HSDL2: variants seen among roughly 807,000 people sequenced by gnomAD.
HSDL2 encodes hydroxysteroid dehydrogenase-like protein 2.
HSDL2 carries 27 observed loss-of-function variants against 46.3 expected under a neutral mutation model. The observed-to-expected ratio is 0.58, with a 90% confidence interval of 0.43 to 0.80. The LOEUF (loss-of-function observed/expected upper bound fraction) is 0.80, where lower values mean the gene tolerates loss of function less well. Ranked by LOEUF, HSDL2 falls within the 30% of genes least tolerant of loss-of-function variation. The probability of loss-of-function intolerance (pLI) is 0.00; values close to 1 mark genes in which losing one functional copy is unlikely to be tolerated. For missense variants in HSDL2, 451 were observed against 502.7 expected (o/e 0.90, Z 0.98); for synonymous variants, 153 against 163.6 (o/e 0.94, Z 0.50).
intron 9 of HSDL2, among the ~76,000 whole-genome samples, chr9:112,454,747 C>G (rs186942566): frequency 3.6e-4 from 55 of 151,918 alleles, no homozygotes; most frequent in African/African-American, 1.3e-3. Context: ...GCTTTGTTGC[C>G]CAGGCTGGAG....
rs533027495 is a variant in HSDL2, at chr9:112,398,709, A to G, written c.18-5286A>G. Among the ~76,000 whole-genome samples the G allele has an allele frequency of 3.9e-5, 6 of 152,208 alleles. No homozygotes were observed. The South Asian group carries it at 1.2e-3, about 32-fold the overall frequency. On this transcript the variant is annotated intron_variant, in intron 1 of 10. Coordinates refer to ENST00000398805, the MANE Select transcript of HSDL2 (RefSeq NM_032303.5). ...ACTTACCAAGGCCCAATCACCCCAA[A>G]CAGTGACGGGAGCATAATTTCCTGT...
chr9:112,439,788 G>A (rs10759563), intron 7 of HSDL2, among the ~76,000 whole-genome samples: 77,770 of 152,094 alleles, frequency 0.51, 19,997 homozygotes, highest in South Asian at 0.6. Flanking sequence ...TTAAGAACAC[G>A]AAATTTGGGA....
chr9:112,397,263 T>G (rs1831478136), intron 1 of HSDL2, among the ~76,000 whole-genome samples: 1 of 152,136 alleles, frequency 6.6e-6, no homozygotes, highest in Non-Finnish European at 1.5e-5. Flanking sequence ...GGGTCCCTGA[T>G]CCAATGCCTT....
At chr9:112,441,002 C>T (rs767188284) in intron 7 of HSDL2, among the ~76,000 whole-genome samples, 7 of 149,318 alleles carry the variant, frequency 4.7e-5, no homozygotes, top group African/African-American at 1.2e-4. Context: ...AGCGAGACTC[C>T]GTCTCAAAAA....
rs190843979 is a variant in HSDL2, at chr9:112,470,358, A to G, written c.1145-74A>G. Reference sequence around the variant, plus strand: ...AGAACTCAAGGAGATTCTTTTTACAATGCGTGTTCTTAAAGCAATATATCC... The same window carrying G: ...AGAACTCAAGGAGATTCTTTTTACAGTGCGTGTTCTTAAAGCAATATATCC... On this transcript the variant is annotated intron_variant, in intron 10 of 10. Coordinates refer to ENST00000398805, the MANE Select transcript of HSDL2 (RefSeq NM_032303.5). 9.5e-4 allele frequency: 788 copies of G among 826,540 alleles called. 11 individuals carry two copies. The highest frequency in any genetic ancestry group is 8.5e-3 in the South Asian group (512 of 60,372). The allele number at this position is 826,540 out of a possible 1,614,324, so 51.2% of individuals were successfully genotyped here.
intron 5 of HSDL2, among the ~76,000 whole-genome samples, chr9:112,417,193 G>C (rs1333525890): frequency 6.6e-6 from 1 of 152,122 alleles, no homozygotes; most frequent in Non-Finnish European, 1.5e-5. Context: ...TTTGAGAAAT[G>C]TATATAACCA....
At position 112,452,530 on chromosome 9, in the gene HSDL2, T is replaced by C. The variant is rs1832911600; in HGVS notation, c.866-1483T>C. On this transcript the variant is annotated intron_variant, in intron 8 of 10. Coordinates refer to ENST00000398805, the MANE Select transcript of HSDL2 (RefSeq NM_032303.5). Reference sequence around the variant, plus strand: ...GGGAGGCCAATGTGGGTGGATCACCTGAGGTAAGGAGTTTGAGACCAGCCT... The same window carrying C: ...GGGAGGCCAATGTGGGTGGATCACCCGAGGTAAGGAGTTTGAGACCAGCCT... Among the ~76,000 whole-genome samples, 3 of 152,292 alleles carry C rather than the reference T, an allele frequency of 2.0e-5. No individual in the cohort carries two copies. The South Asian group carries it at 6.2e-4, about 32-fold the overall frequency.
chr9:112,462,306 A>G (rs1264523073), intron 10 of HSDL2, among the ~76,000 whole-genome samples: 2 of 152,172 alleles, frequency 1.3e-5, no homozygotes, highest in Admixed American at 6.5e-5. Flanking sequence ...TCTACCAAAA[A>G]TACAAAAATT....
intron 6 of HSDL2, among the ~76,000 whole-genome samples, chr9:112,434,477 C>A (rs1285506934): frequency 3.9e-5 from 6 of 152,202 alleles, no homozygotes; most frequent in Non-Finnish European, 5.9e-5. Flanking sequence ...ACAGTTTATA[C>A]CATTTTCATT....
rs898390710 is a variant in HSDL2 at position 112,464,325 on chromosome 9, T to G, written c.1144+4748T>G. Among the ~76,000 whole-genome samples, 8 of 152,302 alleles carry G rather than the reference T, an allele frequency of 5.3e-5. No individual in the cohort carries two copies. The East Asian group carries it at 1.5e-3, about 29-fold the overall frequency. ...TAAATTCTGGATGCATGTTCTTTAT[T>G]GGATATGTGATTTGCAAATATTTTC... On this transcript the variant is annotated intron_variant, in intron 10 of 10. Coordinates refer to ENST00000398805, the MANE Select transcript of HSDL2 (RefSeq NM_032303.5).
At chr9:112,461,317 G>A (rs1225380994) in intron 10 of HSDL2, among the ~76,000 whole-genome samples, 1 of 152,138 alleles carries the variant, frequency 6.6e-6, no homozygotes, top group Non-Finnish European at 1.5e-5. Context: ...GACCTCAGGT[G>A]ATCCACCCGC....
intron 1 of HSDL2, among the ~76,000 whole-genome samples, chr9:112,392,359 C>T (rs1294914841): frequency 6.6e-6 from 1 of 152,174 alleles, no homozygotes; most frequent in African/African-American, 2.4e-5. Context: ...GGTTTGAGAG[C>T]AGAGAACCGG....
chr9:112,401,527 G>T (rs1156719948), intron 1 of HSDL2, among the ~76,000 whole-genome samples: 3 of 149,206 alleles, frequency 2.0e-5, no homozygotes, highest in Non-Finnish European at 4.4e-5. Flanking sequence ...CCTTGTCATC[G>T]AATTGATCAC....
intron 1 of HSDL2, among the ~76,000 whole-genome samples, chr9:112,398,482 G>A (rs1831512600): frequency 6.6e-6 from 1 of 151,974 alleles, no homozygotes; most frequent in African/African-American, 2.4e-5. Context: ...AGATCATTGG[G>A]GGTGACGTTA....
At chr9:112,387,401 G>C (rs1444219937) in intron 1 of HSDL2, among the ~76,000 whole-genome samples, 3 of 151,864 alleles carry the variant, frequency 2.0e-5, no homozygotes, top group African/African-American at 4.8e-5. Flanking sequence ...GTATTTTTTA[G>C]TAGAGATGGG....
chr9:112,442,268 CAAAAAAAAAAAAA>C (rs71382431), intron 8 of HSDL2, among the ~76,000 whole-genome samples: 1 of 47,442 alleles, frequency 2.1e-5, no homozygotes, highest in African/African-American at 7.8e-5. Context: ...GACCCTGTCT[CAAAAAAAAAAAAA>C]AAAAAAAAAA....
intron 10 of HSDL2, among the ~76,000 whole-genome samples, chr9:112,464,253 C>A (rs895117273): frequency 7.4e-6 from 1 of 135,482 alleles, no homozygotes; most frequent in East Asian, 2.2e-4. Context: ...CACACACACA[C>A]ACACAAGTAA....
chr9:112,398,385 A>T (rs770908110), intron 1 of HSDL2, among the ~76,000 whole-genome samples: 1 of 151,918 alleles, frequency 6.6e-6, no homozygotes, highest in African/African-American at 2.4e-5. Flanking sequence ...AGGTTTGAAG[A>T]GGGAAGAGTT....
chr9:112,384,587 C>T (rs1323569758), intron 1 of HSDL2, among the ~76,000 whole-genome samples: 1 of 151,678 alleles, frequency 6.6e-6, no homozygotes, highest in Non-Finnish European at 1.5e-5. Flanking sequence ...TGAGGTGAAT[C>T]ACTTGAGCCC....
Sources: gnomAD v4.1 joint callset for allele counts (sites outside exome capture counted in the v4.1 genomes callset) on GRCh38, gnomAD v4.1.1 for gene constraint, MANE v1.5 for transcripts, NCBI Gene and HGNC (gene_info 2026-07-23, HGNC 2026-07-21) for gene names.